Variants in CCDC47 observed in about 807,000 individuals in gnomAD.
CCDC47 encodes the protein coiled-coil domain containing 47.
CCDC47 carries 41 observed loss-of-function variants against 60.5 expected under a neutral mutation model. The observed-to-expected ratio is 0.68, with a 90% CI of 0.53 to 0.88. The LOEUF is 0.88. CCDC47 is among the 40% of genes least tolerant of loss of function. CCDC47 has a pLI of 0.00. For missense variants in CCDC47, 513 were observed against 580.9 expected (o/e 0.88, Z 1.20); for synonymous variants, 195 against 190.7 (o/e 1.02, Z -0.18).
At chr17:63,751,098 T>C (rs1003350305) in intron 12 of CCDC47, among the ~76,000 whole-genome samples, 5 of 151,270 alleles carry the variant, frequency 3.3e-5, no homozygotes, top group East Asian at 1.9e-4. Context: ...CAGGCTTGTT[T>C]TGAACTCCTG....
intron 4 of CCDC47, among the ~76,000 whole-genome samples, chr17:63,763,667 T>C (rs189808715): frequency 6.8e-5 from 10 of 147,902 alleles, no homozygotes; most frequent in Non-Finnish European, 1.4e-4. Context: ...CTACTAAAAA[T>C]ACAAAAATGA....
At chr17:63,763,280 T>C (rs1422960076) in intron 4 of CCDC47, among the ~76,000 whole-genome samples, 1 of 152,004 alleles carries the variant, frequency 6.6e-6, no homozygotes, top group Non-Finnish European at 1.5e-5. Context: ...CCCAGCAATT[T>C]GGGAGGCCAA....
At chr17:63,759,537 A>T (rs1211681023) in intron 6 of CCDC47, among the ~76,000 whole-genome samples, 4 of 40,854 alleles carry the variant, frequency 9.8e-5, no homozygotes, top group Non-Finnish European at 1.8e-4. Context: ...TTATATATAT[A>T]TATATATATA....
intron 12 of CCDC47, among the ~76,000 whole-genome samples, chr17:63,747,988 G>C (rs543498820): frequency 6.6e-6 from 1 of 151,646 alleles, no homozygotes; most frequent in South Asian, 2.1e-4. Flanking sequence ...CCGAGTAGCT[G>C]GGATTACAGG....
intron 4 of CCDC47, among the ~76,000 whole-genome samples, chr17:63,763,003 C>T (rs144771246): frequency 2.3e-3 from 350 of 152,254 alleles, no homozygotes; most frequent in Non-Finnish European, 3.9e-3. Context: ...ACCACTGCAG[C>T]CTCAAACTCC....
In CCDC47 at chr17:63,754,491, C is replaced by A; in HGVS notation, c.976G>T (p.Asp326Tyr). ...KMVHFLTHYA[D>Y]KIESVHFSDQ... ...GAAAAATGAACAGATTCAATCTTGT[C>A]AGCATAGTGTGTAAGAAAGTGAACC... Residue 326 changes from aspartate (D) to tyrosine (Y), a missense_variant, in exon 9 of 13, where the codon GAC becomes TAC. By Grantham distance (160) the Asp-to-Tyr change is radical. Transcript: ENST00000225726. 6.2e-7 allele frequency: 1 copy of A among 1,608,772 alleles called. No homozygotes were observed. Among genetic ancestry groups the A allele is most frequent in the South Asian group, 1.1e-5 (1 of 90,528 alleles).
intron 12 of CCDC47, 132 bp from the exon 13 acceptor site, chr17:63,747,093 G>C: frequency 7.2e-7 from 1 of 1,395,520 alleles, no homozygotes; most frequent in Non-Finnish European, 9.3e-7. Flanking sequence ...ACTTAGGCTT[G>C]CACCATAACA....
At chr17:63,753,106 C>T (rs2144474470) in intron 9 of CCDC47, 1 of 360,158 alleles carries the variant, frequency 2.8e-6, no homozygotes. Flanking sequence ...AAGTATGAGG[C>T]CCATATTTTA....
intron 1 of CCDC47, among the ~76,000 whole-genome samples, chr17:63,770,395 G>A (rs1363090897): frequency 6.6e-6 from 1 of 152,106 alleles, no homozygotes; most frequent in East Asian, 1.9e-4. Flanking sequence ...TAGGACATTG[G>A]GTTTGTAGAC....
intron 6 of CCDC47, among the ~76,000 whole-genome samples, chr17:63,758,074 G>C (rs2039221153): frequency 6.6e-6 from 1 of 152,174 alleles, no homozygotes; most frequent in South Asian, 2.1e-4. Context: ...GGGAGGGCAT[G>C]AAAGCTCCGA....
rs1260237074 is a variant in CCDC47 at position 63,745,404 on chromosome 17, T to G, written c.*1477A>C. 6.6e-6 allele frequency: 1 copy of G among 152,610 alleles called. No homozygotes were observed. The highest frequency in any genetic ancestry group is 2.1e-4 in the South Asian group (1 of 4,836). The allele number at this position is 152,610 out of a possible 1,614,324, so 9.5% of individuals were successfully genotyped here. On this transcript the variant is annotated 3_prime_UTR_variant, in exon 13 of 13. Transcript: ENST00000225726. ...AGACTATCAACTTTGATTTCTAAAA[T>G]GTAATTTAAAGGTTTGTAAAACAAG...
intron 4 of CCDC47, among the ~76,000 whole-genome samples, chr17:63,763,578 C>A (rs557896306): frequency 6.6e-6 from 1 of 151,938 alleles, no homozygotes; most frequent in Non-Finnish European, 1.5e-5. Context: ...GTAATCCCTG[C>A]AATCTGGGAG....
Position 63,746,678 on chromosome 17 carries a change from A to C in CCDC47, c.*203T>G, listed in dbSNP as rs896908951. ...AATAATTTGATTATCTGGAAAAAAAAATTCTTGAAACAGAGCCCTTTCCAG... is the reference window on the plus strand; with the variant it reads ...AATAATTTGATTATCTGGAAAAAAACATTCTTGAAACAGAGCCCTTTCCAG... On this transcript the variant is annotated 3_prime_UTR_variant, in exon 13 of 13. Coordinates refer to ENST00000225726, the MANE Select transcript of CCDC47 (RefSeq NM_020198.3). The C allele has an allele frequency of 7.8e-5, 34 of 437,702 alleles. No homozygotes were observed. Among genetic ancestry groups the C allele is most frequent in the Non-Finnish European group, 9.4e-5 (23 of 243,826 alleles). The allele number at this position is 437,702 out of a possible 1,614,324, so 27.1% of individuals were successfully genotyped here. A position where few individuals can be genotyped will look rare whatever the true frequency, so the allele number is the denominator to read the frequency against.
intron 12 of CCDC47, among the ~76,000 whole-genome samples, chr17:63,751,296 G>A (rs1196878738): frequency 1.4e-5 from 2 of 142,118 alleles, no homozygotes; most frequent in Non-Finnish European, 3.0e-5. Flanking sequence ...AACCCGGGAG[G>A]CGGAGACTGC....
intron 1 of CCDC47, among the ~76,000 whole-genome samples, chr17:63,770,217 C>T (rs766530556): frequency 9.9e-5 from 15 of 152,034 alleles, no homozygotes; most frequent in African/African-American, 9.7e-5. Flanking sequence ...CCTGCCTCGG[C>T]CTCCCAAAGT....
chr17:63,751,596 G>T (rs897747677), intron 12 of CCDC47, among the ~76,000 whole-genome samples: 1 of 151,886 alleles, frequency 6.6e-6, no homozygotes, highest in South Asian at 2.1e-4. Flanking sequence ...TACATAGCAA[G>T]TTTATTTAGA....
chr17:63,748,331 T>C (rs1208995074), intron 12 of CCDC47, among the ~76,000 whole-genome samples: 2 of 152,146 alleles, frequency 1.3e-5, no homozygotes, highest in Non-Finnish European at 2.9e-5. Context: ...CAGGCTGGTG[T>C]TGAACTCCTG....
intron 6 of CCDC47, among the ~76,000 whole-genome samples, chr17:63,758,874 T>G (rs1206338644): frequency 1.3e-5 from 2 of 151,918 alleles, no homozygotes; most frequent in Non-Finnish European, 2.9e-5. Flanking sequence ...AAGCAAACCT[T>G]AAACAGAATT....
intron 2 of CCDC47, among the ~76,000 whole-genome samples, chr17:63,765,345 TC>T (rs1034783552): frequency 4.0e-5 from 6 of 151,508 alleles, no homozygotes; most frequent in Admixed American, 3.9e-4. Flanking sequence ...TTTTTTCTTT[TC>T]TTTTTTTTTT....
Sources: gnomAD v4.1 joint callset for allele counts (sites outside exome capture counted in the v4.1 genomes callset) on GRCh38, gnomAD v4.1.1 for gene constraint, MANE v1.5 for transcripts, NCBI Gene and HGNC (gene_info 2026-07-23, HGNC 2026-07-21) for gene names.